CCDC43: variants seen among roughly 807,000 people sequenced by gnomAD.
CCDC43 encodes coiled-coil domain containing 43, also known as coiled-coil domain-containing protein 43.
A neutral mutation model predicts 33.3 loss-of-function variants in CCDC43; 20 were observed. That is an observed-to-expected ratio of 0.60 (90% confidence interval 0.42 to 0.87). The LOEUF (loss-of-function observed/expected upper bound fraction) is 0.87. Ranked by LOEUF, CCDC43 falls within the 40% of genes least tolerant of loss-of-function variation. The probability of loss-of-function intolerance (pLI) is 0.00; values close to 1 mark genes in which losing one functional copy is unlikely to be tolerated. For synonymous variants in CCDC43, 104 were observed against 106.5 expected (o/e 0.98, Z 0.14); for missense variants, 248 against 269.9 (o/e 0.92, Z 0.57).
At position 44,678,877 on chromosome 17, in the gene CCDC43, C is replaced by G. The variant is rs1233628655; in HGVS notation, c.654G>C (p.Gln218His). Residue 218 changes from glutamine to histidine, a missense_variant, in exon 5 of 5, where the codon CAG (glutamine) becomes CAC (histidine). Coordinates refer to ENST00000315286, the MANE Select transcript of CCDC43 (RefSeq NM_144609.3). ...ERKEKEKKRT[Q>H]RGERKR ...AAGGTTATCGCTTTCGCTCCCCTCTCTGTGTCCTTTTTTTTTCCTTTTCCT... is the reference window on the plus strand; with the variant it reads ...AAGGTTATCGCTTTCGCTCCCCTCTGTGTGTCCTTTTTTTTTCCTTTTCCT... 6.2e-7 allele frequency: 1 copy of G among 1,613,756 alleles called. No homozygotes were observed.
chr17:44,689,576 G>A lies in CCDC43; in HGVS notation c.178C>T (p.Leu60=), dbSNP rs1050635144. 8 of 1,614,034 alleles carry A rather than the reference G, an allele frequency of 5.0e-6. No individual in the cohort carries two copies. Among genetic ancestry groups the A allele is most frequent in the Admixed American group, 1.7e-5 (1 of 60,024 alleles). ...AGGAAAGCAGAGAGGATCCCCTGCAGAGCGTCCAGCTTCTCTTCTTCCTCC... is the reference window on the plus strand; with the variant it reads ...AGGAAAGCAGAGAGGATCCCCTGCAAAGCGTCCAGCTTCTCTTCTTCCTCC... The part of the protein sequence containing the change: ...EEEEEEKLDA[L]QGILSAFLEE... Residue 60 remains leucine (L), a synonymous_variant, in exon 1 of 5, where the codon CTG becomes TTG. Coordinates refer to ENST00000315286, the MANE Select transcript of CCDC43 (RefSeq NM_144609.3).
intron 1 of CCDC43, among the ~76,000 whole-genome samples, chr17:44,685,607 A>G (rs1972222578): frequency 6.6e-6 from 1 of 152,230 alleles, no homozygotes; most frequent in Non-Finnish European, 1.5e-5. Flanking sequence ...CTTGTCAAAG[A>G]ACAAGCATCT....
intron 1 of CCDC43, among the ~76,000 whole-genome samples, chr17:44,685,213 T>C (rs554100038): frequency 3.3e-5 from 5 of 152,350 alleles, no homozygotes; most frequent in African/African-American, 9.6e-5. Context: ...CCCAATTCTT[T>C]TGGAGCAAAA....
At chr17:44,683,019 C>T (rs766659798) in intron 2 of CCDC43, among the ~76,000 whole-genome samples, 3 of 152,106 alleles carry the variant, frequency 2.0e-5, no homozygotes, top group Admixed American at 6.6e-5. Context: ...GGGCCCCAAC[C>T]CAGGTACATT....
chr17:44,685,725 A>G (rs1972224713), intron 1 of CCDC43, among the ~76,000 whole-genome samples: 1 of 152,212 alleles, frequency 6.6e-6, no homozygotes, highest in African/African-American at 2.4e-5. Context: ...AGCATTTACC[A>G]TGTGCCAGGC....
intron 4 of CCDC43, among the ~76,000 whole-genome samples, chr17:44,679,293 A>C (rs537659703): frequency 6.6e-6 from 1 of 152,288 alleles, no homozygotes; most frequent in East Asian, 1.9e-4. Context: ...GAATTTTAAA[A>C]TATTTTACCA....
At chr17:44,681,098 C>T (rs934278680) in intron 3 of CCDC43, among the ~76,000 whole-genome samples, 2 of 151,990 alleles carry the variant, frequency 1.3e-5, no homozygotes, top group Non-Finnish European at 2.9e-5. Context: ...ATTATGTCAC[C>T]GGAACCATAG....
Position 44,677,539 on chromosome 17 carries a change from C to T in CCDC43, c.*1317G>A, listed in dbSNP as rs1435479632. On this transcript the variant is annotated 3_prime_UTR_variant, in exon 5 of 5. Coordinates refer to ENST00000315286, the MANE Select transcript of CCDC43 (RefSeq NM_144609.3). ...TGAAGAGGTAACATGTCTCCTTTTC[C>T]TTAACCATGTTTTTTTTTTTTTAAC... The T allele has an allele frequency of 6.6e-6, 1 of 150,902 alleles. No individual in the cohort carries two copies. The highest frequency in any genetic ancestry group is 1.5e-5 in the Non-Finnish European group (1 of 67,804). 9.3% of individuals were successfully genotyped at this position (150,902 alleles called of 1,614,324 possible). A position where few individuals can be genotyped will look rare whatever the true frequency, so the allele number is the denominator to read the frequency against.
At position 44,685,094 on chromosome 17, in the gene CCDC43, CTTA is replaced by C. The variant is rs376547109; in HGVS notation, c.205-1138_205-1136del. The stretch of plus-strand genomic sequence containing the variant: ...GGCCACCACATCCAGCCGATTATTA[CTTA>C]TTATAGTCACCATTCTATGCAACAG... On this transcript the variant is annotated intron_variant, in intron 1 of 4. Coordinates refer to ENST00000315286, the MANE Select transcript of CCDC43 (RefSeq NM_144609.3). Among the ~76,000 whole-genome samples, 14 of 152,316 alleles carry C rather than the reference CTTA, an allele frequency of 9.2e-5. 1 individual carries two copies. The highest frequency in any genetic ancestry group is 3.4e-4 in the African/African-American group (14 of 41,572).
chr17:44,677,453 G>C lies in CCDC43; in HGVS notation c.*1403C>G, dbSNP rs1393297180. 1 of 151,746 alleles carries C rather than the reference G, an allele frequency of 6.6e-6. No individual in the cohort carries two copies. The highest frequency in any genetic ancestry group is 1.5e-5 in the Non-Finnish European group (1 of 67,950). 9.4% of individuals were successfully genotyped at this position (151,746 alleles called of 1,614,324 possible). ...AGTCAGAAGACAGCAATTTAAATAA[G>C]ATTTATTTTTTTAAAGGTGGTTATT... is the stretch of plus-strand genomic sequence containing the variant. On this transcript the variant is annotated 3_prime_UTR_variant, in exon 5 of 5. Transcript: ENST00000315286.
chr17:44,681,738 A>AT (rs1404967033), intron 3 of CCDC43: 1 of 430,374 alleles, frequency 2.3e-6, no homozygotes, highest in African/African-American at 2.0e-5. Context: ...TTCTGAAAGC[A>AT]TAATATAAAT....
chr17:44,681,276 A>G (rs1972157337), intron 3 of CCDC43, among the ~76,000 whole-genome samples: 1 of 152,164 alleles, frequency 6.6e-6, no homozygotes, highest in South Asian at 2.1e-4. Context: ...GTCTCTACTA[A>G]AAATACGAAA....
chr17:44,689,189 G>A, intron 1 of CCDC43: 1 of 280,064 alleles, frequency 3.6e-6, no homozygotes, highest in Non-Finnish European at 6.9e-6. Flanking sequence ...AATACCCCCA[G>A]TGAACACTGT....
Position 44,678,242 on chromosome 17 carries a change from A to G in CCDC43, c.*614T>C, listed in dbSNP as rs1374269886. The G allele has an allele frequency of 6.6e-6, 1 of 151,886 alleles. No homozygotes were observed. The highest frequency in any genetic ancestry group is 6.6e-5 in the Admixed American group (1 of 15,206). 9.4% of individuals were successfully genotyped at this position (151,886 alleles called of 1,614,324 possible). A position where few individuals can be genotyped will look rare whatever the true frequency, so the allele number is the denominator to read the frequency against. The stretch of plus-strand genomic sequence containing the variant: ...GCCTAGATGAGGAAAATATGTAACT[A>G]TCTCTATTTTAAAAGATACCTCTTT... On this transcript the variant is annotated 3_prime_UTR_variant, in exon 5 of 5. Transcript: ENST00000315286.
rs1972113365 is a variant in CCDC43 at position 44,678,833 on chromosome 17, G to A, written c.*23C>T. 1.2e-6 allele frequency: 2 copies of A among 1,601,964 alleles called. No individual in the cohort carries two copies. The highest frequency in any genetic ancestry group is 1.1e-5 in the South Asian group (1 of 89,406). On this transcript the variant is annotated 3_prime_UTR_variant, in exon 5 of 5. Transcript: ENST00000315286. ...TTCTCCCTTTGATAAGTTCATGGGG[G>A]GAAAGAATAGAGTAGGCCAAGGTTA...
At chr17:44,684,095 T>C in intron 1 of CCDC43, 136 bp from the exon 2 acceptor site, 1 of 633,568 alleles carries the variant, frequency 1.6e-6, no homozygotes, top group Non-Finnish European at 2.8e-6. Flanking sequence ...CAATAGAGTA[T>C]GTTTCTTTTC....
At chr17:44,682,162 C>G (rs367811139) in intron 2 of CCDC43, 24 bp from the exon 3 acceptor site, 3 of 1,613,628 alleles carry the variant, frequency 1.9e-6, no homozygotes, top group Admixed American at 3.3e-5. Flanking sequence ...GAAGGAAGAA[C>G]AAGGTTGTAT....
intron 1 of CCDC43, 29 bp from the exon 2 acceptor site, chr17:44,683,988 C>A (rs746437351): frequency 1.4e-6 from 2 of 1,429,902 alleles, no homozygotes; most frequent in Admixed American, 3.4e-5. Context: ...CAATTAATTT[C>A]CTGAGGGAGC....
At chr17:44,679,181 C>T (rs375396201) in intron 4 of CCDC43, 138 bp from the exon 5 acceptor site, 1 of 523,086 alleles carries the variant, frequency 1.9e-6, no homozygotes, top group South Asian at 6.5e-5. Context: ...AAAAAAAACC[C>T]TTATGTTTAT....
Sources: allele counts gnomAD v4.1 joint callset (sites outside exome capture counted in the v4.1 genomes callset), GRCh38; gene constraint gnomAD v4.1.1; transcripts MANE v1.5; gene names NCBI Gene and HGNC (gene_info 2026-07-23, HGNC 2026-07-21).